Variants in WWOX observed in about 807,000 individuals in gnomAD.
The protein encoded by WWOX is WW domain-containing oxidoreductase.
In WWOX, 69 loss-of-function variants were observed where a neutral mutation model predicts 46.2. The ratio of observed to expected loss-of-function variants is 1.49; its 90% CI spans 1.23 to 1.82. The LOEUF is 1.82. WWOX is among the 40% of genes most tolerant of loss of function. The pLI, the probability that WWOX is intolerant of heterozygous loss-of-function variation, is 0.00. For synonymous variants in WWOX, 359 were observed against 202.6 expected, an observed-to-expected ratio of 1.77 and a Z score of -6.56; for missense variants, 919 against 542.6, an observed-to-expected ratio of 1.69 and a Z score of -6.89.
chr16:78,807,090 C>T (rs577549861), intron 8 of WWOX, among the ~76,000 whole-genome samples: 8 of 152,326 alleles, frequency 5.3e-5, no homozygotes, highest in Non-Finnish European at 1.0e-4. Context: ...GTGCCTGGTG[C>T]AGACTGGATG....
chr16:78,178,823 C>T (rs912915854), intron 5 of WWOX, among the ~76,000 whole-genome samples: 1 of 149,178 alleles, frequency 6.7e-6, no homozygotes, highest in Non-Finnish European at 1.5e-5. Context: ...AAGGTGGTGC[C>T]ACTGCATTCC....
At chr16:79,153,335 C>T (rs2050318006) in intron 8 of WWOX, among the ~76,000 whole-genome samples, 1 of 152,104 alleles carries the variant, frequency 6.6e-6, no homozygotes, top group Non-Finnish European at 1.5e-5. Flanking sequence ...ATGAGTCACG[C>T]CAAGCCGCCC....
intron 8 of WWOX, among the ~76,000 whole-genome samples, chr16:79,128,275 C>T (rs970221692): frequency 6.6e-6 from 1 of 151,926 alleles, no homozygotes; most frequent in African/African-American, 2.4e-5. Context: ...CTATCACTTC[C>T]AATCCACGTG....
At chr16:78,439,145 G>T (rs546827007) in intron 8 of WWOX, among the ~76,000 whole-genome samples, 1 of 152,152 alleles carries the variant, frequency 6.6e-6, no homozygotes, top group Admixed American at 6.5e-5. Context: ...CACATACAAG[G>T]CAGAGGGTGT....
At chr16:78,556,309 C>G (rs946941558) in intron 8 of WWOX, among the ~76,000 whole-genome samples, 1 of 151,472 alleles carries the variant, frequency 6.6e-6, no homozygotes, top group Non-Finnish European at 1.5e-5. Flanking sequence ...TGGAGACAGT[C>G]GGCGATTGGG....
intron 8 of WWOX, among the ~76,000 whole-genome samples, chr16:78,985,004 C>T (rs184016595): frequency 2.0e-5 from 3 of 152,240 alleles, no homozygotes; most frequent in Admixed American, 6.5e-5. Flanking sequence ...AATATTGGAT[C>T]CTTGCCCAGC....
chr16:79,104,058 T>TGGGGG (rs2049259343), intron 8 of WWOX, among the ~76,000 whole-genome samples: 5 of 22,414 alleles, frequency 2.2e-4, no homozygotes, highest in Admixed American at 5.9e-4. Context: ...GGGCGGGTGG[T>TGGGGG]GGGGGTACTT....
intron 8 of WWOX, among the ~76,000 whole-genome samples, chr16:78,844,327 C>T (rs2151172375): frequency 6.6e-6 from 1 of 152,242 alleles, no homozygotes; most frequent in East Asian, 1.9e-4. Context: ...CCTTTTGAAA[C>T]ATGGAGAAAT....
intron 8 of WWOX, among the ~76,000 whole-genome samples, chr16:78,578,886 T>C (rs2044974832): frequency 6.6e-6 from 1 of 152,216 alleles, no homozygotes; most frequent in Non-Finnish European, 1.5e-5. Context: ...AAGGTGCATC[T>C]CTACAAACAA....
chr16:78,966,376 T>A (rs1026688293), intron 8 of WWOX, among the ~76,000 whole-genome samples: 2 of 152,214 alleles, frequency 1.3e-5, no homozygotes, highest in Non-Finnish European at 2.9e-5. Flanking sequence ...TAAACATATT[T>A]GTAATCATAC....
intron 8 of WWOX, among the ~76,000 whole-genome samples, chr16:78,840,566 A>C (rs771327801): frequency 2.6e-5 from 4 of 152,128 alleles, no homozygotes; most frequent in Non-Finnish European, 5.9e-5. Context: ...GTATTGTTAC[A>C]CAGTTTGTAA....
rs143730074 is a variant in WWOX at position 78,298,197 on chromosome 16, A to G, written c.517-88663A>G. Among the ~76,000 whole-genome samples the G allele has an allele frequency of 4.4e-3, 665 of 152,212 alleles. 1 individual carries two copies. The highest frequency in any genetic ancestry group is 6.1e-3 in the Non-Finnish European group (415 of 68,012). On this transcript the variant is annotated intron_variant, in intron 5 of 8. Coordinates refer to ENST00000566780, the MANE Select transcript of WWOX (RefSeq NM_016373.4). ...AACCTCTTTCCTTTATAAACCACCC[A>G]GTCTTGGGTATTTCTTCTTAGCAGC... is the stretch of plus-strand genomic sequence containing the variant.
chr16:78,452,146 G>T (rs1342761682), intron 8 of WWOX, among the ~76,000 whole-genome samples: 1 of 152,148 alleles, frequency 6.6e-6, no homozygotes, highest in South Asian at 2.1e-4. Context: ...ATATCCCACA[G>T]AATCTCTTAA....
At chr16:79,177,752 C>A (rs1307704945) in intron 8 of WWOX, among the ~76,000 whole-genome samples, 2 of 152,204 alleles carry the variant, frequency 1.3e-5, no homozygotes, top group Non-Finnish European at 2.9e-5. Context: ...AGCAGACTTT[C>A]TGAAAAGGGA....
intron 8 of WWOX, among the ~76,000 whole-genome samples, chr16:78,989,774 C>T (rs540898502): frequency 2.0e-5 from 3 of 150,234 alleles, no homozygotes; most frequent in African/African-American, 4.9e-5. Flanking sequence ...GGGGCTGGCC[C>T]AGGAGGAAGT....
At chr16:78,309,602 C>T (rs972806373) in intron 5 of WWOX, among the ~76,000 whole-genome samples, 1 of 152,180 alleles carries the variant, frequency 6.6e-6, no homozygotes, top group Non-Finnish European at 1.5e-5. Flanking sequence ...AACCCAGCCA[C>T]CTTGGGCACA....
chr16:78,386,138 G>T (rs1016869472), intron 5 of WWOX, among the ~76,000 whole-genome samples: 3 of 152,196 alleles, frequency 2.0e-5, no homozygotes, highest in Non-Finnish European at 4.4e-5. Flanking sequence ...GTGATCTCTT[G>T]TAAGATGCTG....
chr16:78,788,570 G>A (rs2050513913), intron 8 of WWOX, among the ~76,000 whole-genome samples: 1 of 152,180 alleles, frequency 6.6e-6, no homozygotes, highest in Admixed American at 6.5e-5. Context: ...GAGCGTGGCT[G>A]CCTAGGAAGG....
intron 8 of WWOX, among the ~76,000 whole-genome samples, chr16:78,543,362 C>T (rs973525725): frequency 6.6e-6 from 1 of 152,214 alleles, no homozygotes; most frequent in African/African-American, 2.4e-5. Flanking sequence ...AACCAGAGGT[C>T]TGTGCACACT....
Sources: allele counts gnomAD v4.1 joint callset (sites outside exome capture counted in the v4.1 genomes callset), GRCh38; gene constraint gnomAD v4.1.1; transcripts MANE v1.5; gene names NCBI Gene and HGNC (gene_info 2026-07-23, HGNC 2026-07-21).